The following PPP1R1B variants were observed in gnomAD, a reference collection of about 807,000 sequenced individuals.
PPP1R1B encodes the protein protein phosphatase 1 regulatory subunit 1B.
In PPP1R1B, 13 loss-of-function variants were observed where a neutral mutation model predicts 28.2. The observed-to-expected ratio is 0.46, with a 90% confidence interval of 0.30 to 0.73. The LOEUF is 0.73. Among genes scored for constraint, PPP1R1B ranks in the 30% least tolerant of loss-of-function variants. The pLI is 0.07. For synonymous variants in PPP1R1B, 102 were observed against 97.5 expected (o/e 1.05, Z -0.27); for missense variants, 236 against 256.7 (o/e 0.92, Z 0.55).
intron 2 of PPP1R1B, 68 bp from the exon 3 acceptor site, chr17:39,629,472 T>C (rs900129914): frequency 6.3e-7 from 1 of 1,592,726 alleles, no homozygotes; most frequent in African/African-American, 1.3e-5. Context: ...GGATTCTTTC[T>C]CTCTCTCCCT....
chr17:39,635,535 T>G (rs925778682), intron 5 of PPP1R1B, 72 bp from the exon 6 acceptor site: 11 of 1,555,940 alleles, frequency 7.1e-6, no homozygotes, highest in Non-Finnish European at 8.7e-6. Context: ...CATCAGACAC[T>G]TAGCTCACAC....
chr17:39,632,869 G>C (rs1437656722), intron 4 of PPP1R1B: 2 of 152,150 alleles, frequency 1.3e-5, no homozygotes, highest in African/African-American at 4.8e-5. Flanking sequence ...CTTCTGAGGG[G>C]AGGGGCCACT....
Position 39,632,064 on chromosome 17 carries a change from C to T in PPP1R1B, c.242-1819C>T, listed in dbSNP as rs1246574225. 2 of 152,566 alleles carry T rather than the reference C, an allele frequency of 1.3e-5. 1 individual carries two copies. The highest frequency in any genetic ancestry group is 2.9e-5 in the Non-Finnish European group (2 of 68,358). 9.5% of individuals were successfully genotyped at this position (152,566 alleles called of 1,614,324 possible). ...AAATTGTGCACCCCCTCAACTGCCC[C>T]TTTAGGCCACATCTTAGGAGAGTCC... On this transcript the variant is annotated intron_variant, in intron 4 of 6. Coordinates refer to ENST00000254079, the MANE Select transcript of PPP1R1B (RefSeq NM_032192.4).
chr17:39,630,449 A>G (rs1184416885), intron 4 of PPP1R1B: 2 of 263,524 alleles, frequency 7.6e-6, no homozygotes. Flanking sequence ...TTTGCATCCC[A>G]TTTGCACAGA....
intron 1 of PPP1R1B, among the ~76,000 whole-genome samples, chr17:39,628,860 G>A (rs952012364): frequency 6.6e-6 from 1 of 152,236 alleles, no homozygotes; most frequent in African/African-American, 2.4e-5. Context: ...AGATAGGAAG[G>A]GAGATGTCTG....
intron 1 of PPP1R1B, chr17:39,628,450 GA>G: frequency 1.1e-6 from 1 of 943,010 alleles, no homozygotes; most frequent in Non-Finnish European, 1.3e-6. Flanking sequence ...GCGGGGCGGG[GA>G]GGGGGGCGGT....
intron 5 of PPP1R1B, among the ~76,000 whole-genome samples, chr17:39,635,396 C>T (rs568558758): frequency 3.9e-5 from 6 of 152,146 alleles, no homozygotes; most frequent in South Asian, 2.1e-4. Context: ...CACAATTTCC[C>T]CCTTTCTATT....
rs2056857459 is a variant in PPP1R1B at position 39,629,161 on chromosome 17, TCTC to T, written c.82-6_82-4del. ...GTCCATCCAGTCACCCCTCCCTCCA[TCTC>T]CTTAGATCCGGCGCAGGAGACCAAC... On this transcript the variant is annotated splice_region_variant and splice_polypyrimidine_tract_variant and intron_variant, in intron 1 of 6. Coordinates refer to ENST00000254079, the MANE Select transcript of PPP1R1B (RefSeq NM_032192.4). The T allele has an allele frequency of 6.2e-7, 1 of 1,612,966 alleles. No individual in the cohort carries two copies. Among genetic ancestry groups the T allele is most frequent in the Non-Finnish European group, 8.5e-7 (1 of 1,179,650 alleles).
At position 39,630,142 on chromosome 17, in the gene PPP1R1B, C is replaced by T. The variant is rs929677696; in HGVS notation, c.241+95C>T. ...TTTTGTCAGTGGGGAGGGATTGTTT[C>T]GCCACACATAGCCCGCTGTCAGCGT... On this transcript the variant is annotated intron_variant, in intron 4 of 6. Coordinates refer to ENST00000254079, the MANE Select transcript of PPP1R1B (RefSeq NM_032192.4). The T allele has an allele frequency of 1.9e-5, 22 of 1,180,508 alleles. No individual in the cohort carries two copies. In the African/African-American group the frequency reaches 2.1e-4, roughly 11 times the overall value. 73.1% of individuals were successfully genotyped at this position (1,180,508 alleles called of 1,614,324 possible). A position where few individuals can be genotyped will look rare whatever the true frequency, so the allele number is the denominator to read the frequency against.
In PPP1R1B at chr17:39,636,061, G is replaced by A; in HGVS notation, c.*196G>A. ...TGATACCCAGAGAACCTGGGCACTTGCTGCCTGATGCCCACCCCTGCCAGT... is the reference window on the plus strand; with the variant it reads ...TGATACCCAGAGAACCTGGGCACTTACTGCCTGATGCCCACCCCTGCCAGT... On this transcript the variant is annotated 3_prime_UTR_variant, in exon 7 of 7. Coordinates refer to ENST00000254079, the MANE Select transcript of PPP1R1B (RefSeq NM_032192.4). The A allele has an allele frequency of 3.3e-6, 2 of 604,936 alleles. No individual in the cohort carries two copies. Among genetic ancestry groups the A allele is most frequent in the Non-Finnish European group, 5.8e-6 (2 of 347,578 alleles). The allele number at this position is 604,936 out of a possible 1,614,324, so 37.5% of individuals were successfully genotyped here. A position where few individuals can be genotyped will look rare whatever the true frequency, so the allele number is the denominator to read the frequency against.
At chr17:39,633,798 G>A in intron 4 of PPP1R1B, 85 bp from the exon 5 acceptor site, 1 of 1,585,916 alleles carries the variant, frequency 6.3e-7, no homozygotes, top group South Asian at 1.1e-5. Flanking sequence ...ACGGGAAGGA[G>A]GCTGGGGGCT....
intron 5 of PPP1R1B, 59 bp downstream of exon 5, chr17:39,634,145 G>A (rs1035397792): frequency 6.0e-5 from 96 of 1,602,222 alleles, no homozygotes; most frequent in Middle Eastern, 2.1e-4. Context: ...AGTATACGAG[G>A]ACGTCCCCTT....
chr17:39,631,279 A>AT (rs1343147052), intron 4 of PPP1R1B, among the ~76,000 whole-genome samples: 1 of 152,204 alleles, frequency 6.6e-6, no homozygotes, highest in Non-Finnish European at 1.5e-5. Context: ...GTACACAAAG[A>AT]TGTTTAAGCT....
At position 39,629,220 on chromosome 17, in the gene PPP1R1B, C is replaced by T. The variant is rs558495615; in HGVS notation, c.132C>T (p.His44=). The change falls in exon 2 of 7, where the codon CAC becomes CAT. Residue 44 remains histidine (H), a synonymous_variant. Coordinates refer to ENST00000254079, the MANE Select transcript of PPP1R1B (RefSeq NM_032192.4). The part of the protein sequence containing the change: ...TPAMLFRLSE[H]SSPEEEASPH... ...CCATGCTGTTCCGGCTCTCAGAGCA[C>T]TCCTCACCAGGTAGGCCCCTCCCTG... 1.9e-6 allele frequency: 3 copies of T among 1,613,732 alleles called. No homozygotes were observed. In the South Asian group the frequency reaches 3.3e-5, roughly 18 times the overall value.
chr17:39,627,132 G>T lies in PPP1R1B; in HGVS notation c.-261G>T. 1 of 442,860 alleles carries T rather than the reference G, an allele frequency of 2.3e-6. No individual in the cohort carries two copies. Among genetic ancestry groups the T allele is most frequent in the Non-Finnish European group, 4.0e-6 (1 of 251,854 alleles). 27.4% of individuals were successfully genotyped at this position (442,860 alleles called of 1,614,324 possible). On this transcript the variant is annotated 5_prime_UTR_variant, in exon 1 of 7. Transcript: ENST00000254079. ...GACACCCAGGCCGGGGAGCGCGAGG[G>T]AGCGAGGCACAGACCTGGCTCAGCG...
At chr17:39,630,105 C>T (rs372302881) in intron 4 of PPP1R1B, 58 bp downstream of exon 4, 180 of 1,499,102 alleles carry the variant, frequency 1.2e-4, no homozygotes, top group Middle Eastern at 6.8e-4. Flanking sequence ...ACTGGGCAGA[C>T]GCTAGGGGAG....
intron 1 of PPP1R1B, among the ~76,000 whole-genome samples, chr17:39,628,041 G>A (rs1165916470): frequency 6.6e-6 from 1 of 152,168 alleles, no homozygotes; most frequent in African/African-American, 2.4e-5. Context: ...CAAGGAGGGA[G>A]AGGTGGGGAG....
intron 2 of PPP1R1B, 104 bp from the exon 3 acceptor site, chr17:39,629,436 G>C: frequency 6.7e-7 from 1 of 1,495,488 alleles, no homozygotes; most frequent in Non-Finnish European, 9.3e-7. Context: ...TGTCCCCAGA[G>C]ATTGAGACCC....
At chr17:39,632,632 G>C (rs1037034472) in intron 4 of PPP1R1B, 1 of 152,326 alleles carries the variant, frequency 6.6e-6, no homozygotes, top group Non-Finnish European at 1.5e-5. Context: ...CTTGGCTCAA[G>C]ATGAAGCTCT....
Sources: gnomAD v4.1 joint callset for allele counts (sites outside exome capture counted in the v4.1 genomes callset) on GRCh38, gnomAD v4.1.1 for gene constraint, MANE v1.5 for transcripts, NCBI Gene and HGNC (gene_info 2026-07-23, HGNC 2026-07-21) for gene names.